Variants in SMOC1 observed in about 807,000 individuals in gnomAD.
SMOC1 encodes SPARC-related modular calcium-binding protein 1.
SMOC1 carries 22 observed loss-of-function variants against 56.3 expected under a neutral mutation model. The observed-to-expected ratio is 0.39, with a 90% CI of 0.28 to 0.56. The LOEUF (loss-of-function observed/expected upper bound fraction) is 0.56, where lower values mean the gene tolerates loss of function less well. Ranked by LOEUF, SMOC1 falls within the 20% of genes least tolerant of loss-of-function variation. The pLI is 0.61. For synonymous variants in SMOC1, 193 were observed against 215.0 expected, an observed-to-expected ratio of 0.90 and a Z score of 0.89; for missense variants, 509 against 565.4, an observed-to-expected ratio of 0.90 and a Z score of 1.01.
chr14:69,997,788 T>C (rs1018006092), intron 7 of SMOC1, among the ~76,000 whole-genome samples: 1 of 152,180 alleles, frequency 6.6e-6, no homozygotes, highest in African/African-American at 2.4e-5. Context: ...GACTGGAGCC[T>C]TTTGGCCAAA....
chr14:69,960,817 G>GTAAACT (rs3052656), intron 3 of SMOC1, among the ~76,000 whole-genome samples: 51,995 of 151,608 alleles, frequency 0.34, 9,194 homozygotes, highest in African/African-American at 0.42. Context: ...TTGCTCAACT[G>GTAAACT]GGAAGAGTTG....
chr14:69,970,195 G>A (rs1324450619), intron 3 of SMOC1, among the ~76,000 whole-genome samples: 3 of 152,108 alleles, frequency 2.0e-5, no homozygotes, highest in Non-Finnish European at 2.9e-5. Context: ...TGCTTCCCTG[G>A]TGGGCATATT....
intron 5 of SMOC1, among the ~76,000 whole-genome samples, chr14:69,990,901 A>G (rs1884543494): frequency 6.6e-6 from 1 of 152,212 alleles, no homozygotes; most frequent in African/African-American, 2.4e-5. Context: ...CCCGACTGTC[A>G]GCTCAGCTGC....
At chr14:69,968,166 TATTTC>T (rs1883638764) in intron 3 of SMOC1, among the ~76,000 whole-genome samples, 2 of 152,222 alleles carry the variant, frequency 1.3e-5, no homozygotes, top group African/African-American at 4.8e-5. Flanking sequence ...GTTTCTTGAG[TATTTC>T]ATGATAAATG....
chr14:69,979,591 CGTGT>C (rs138518257), intron 5 of SMOC1, among the ~76,000 whole-genome samples: 2 of 151,154 alleles, frequency 1.3e-5, no homozygotes, highest in African/African-American at 4.9e-5. Context: ...TTTTCTATTG[CGTGT>C]GTGTGTGTGT....
chr14:69,953,472 C>T lies in SMOC1; in HGVS notation c.318C>T (p.Ala106=), dbSNP rs1337740868. The change falls in exon 3 of 12, where the codon GCC becomes GCT. Residue 106 remains alanine (A), a synonymous_variant. Coordinates refer to ENST00000361956, the MANE Select transcript of SMOC1 (RefSeq NM_001034852.3). ...RLERAQALEQ[A]KKPQEAVFVP... The stretch of plus-strand genomic sequence containing the variant: ...AGCGGGCTCAAGCCCTGGAGCAAGC[C>T]AAGAAGCCTCAGGAAGCTGTGTTTG... 1.9e-6 allele frequency: 3 copies of T among 1,614,230 alleles called. No individual in the cohort carries two copies. The highest frequency in any genetic ancestry group is 2.5e-6 in the Non-Finnish European group (3 of 1,180,040).
chr14:69,969,884 C>T (rs1038904591), intron 3 of SMOC1, among the ~76,000 whole-genome samples: 3 of 152,176 alleles, frequency 2.0e-5, no homozygotes, highest in African/African-American at 7.2e-5. Context: ...TGCATTCATT[C>T]ATCAGTGTAT....
intron 10 of SMOC1, among the ~76,000 whole-genome samples, chr14:70,021,329 A>G (rs1026906039): frequency 2.0e-5 from 3 of 152,210 alleles, no homozygotes; most frequent in Non-Finnish European, 4.4e-5. Flanking sequence ...GCTGGTATGC[A>G]CTGCAGGGGC....
At chr14:70,015,465 A>C (rs956722359) in intron 10 of SMOC1, among the ~76,000 whole-genome samples, 3 of 149,504 alleles carry the variant, frequency 2.0e-5, no homozygotes, top group Admixed American at 6.6e-5. Flanking sequence ...CAACAACAAA[A>C]AAAAAACGAA....
At chr14:69,885,279 T>C (rs1883766436) in intron 1 of SMOC1, 1 of 999,200 alleles carries the variant, frequency 1.0e-6, no homozygotes, top group African/African-American at 1.7e-5. Flanking sequence ...TTTTTTTTTT[T>C]TTAAGGAAAA....
intron 1 of SMOC1, among the ~76,000 whole-genome samples, chr14:69,920,590 G>A (rs1179727876): frequency 1.3e-5 from 2 of 152,300 alleles, no homozygotes; most frequent in East Asian, 3.9e-4. Context: ...TCTGTTCTGT[G>A]CCAGACACAG....
intron 10 of SMOC1, among the ~76,000 whole-genome samples, chr14:70,014,308 TCTCA>T (rs1305305934): frequency 6.6e-6 from 1 of 152,192 alleles, no homozygotes. Flanking sequence ...AGAATGGTTG[TCTCA>T]CTCAGTCTGG....
chr14:69,889,723 A>G (rs1391009819), intron 1 of SMOC1, among the ~76,000 whole-genome samples: 1 of 132,500 alleles, frequency 7.5e-6, no homozygotes, highest in African/African-American at 2.5e-5. Flanking sequence ...TTAATGGGCT[A>G]AAAAAATCAG....
chr14:69,952,165 T>C lies in SMOC1; in HGVS notation c.127T>C (p.Cys43Arg), dbSNP rs766610837. 1.2e-6 allele frequency: 2 copies of C among 1,614,202 alleles called. No homozygotes were observed. Among genetic ancestry groups the C allele is most frequent in the South Asian group, 2.2e-5 (2 of 91,086 alleles). Residue 43 changes from cysteine to arginine, a missense_variant, in exon 2 of 12, where the codon TGC (cysteine) becomes CGC (arginine). Physicochemically the swap from Cys to Arg is radical, Grantham distance 180. Coordinates refer to ENST00000361956, the MANE Select transcript of SMOC1 (RefSeq NM_001034852.3). ...RFLISDRDPQ[C>R]NLHCSRTQPK... The stretch of plus-strand genomic sequence containing the variant: ...TCTAATAAGTGACCGTGACCCACAG[T>C]GCAACCTCCACTGCTCCAGGACTCA...
chr14:69,919,075 G>T (rs1884762413), intron 1 of SMOC1, among the ~76,000 whole-genome samples: 2 of 152,182 alleles, frequency 1.3e-5, no homozygotes, highest in Admixed American at 1.3e-4. Context: ...CACACTTGAG[G>T]TGGGTTTGTT....
intron 1 of SMOC1, among the ~76,000 whole-genome samples, chr14:69,895,192 C>T (rs1884061278): frequency 6.6e-6 from 1 of 152,188 alleles, no homozygotes; most frequent in Non-Finnish European, 1.5e-5. Context: ...AACCTCAGAA[C>T]ATGTGGAATC....
At position 69,885,962 on chromosome 14, in the gene SMOC1, T is replaced by C. The variant is rs535814776; in HGVS notation, c.99+6185T>C. On this transcript the variant is annotated intron_variant, in intron 1 of 11. Coordinates refer to ENST00000361956, the MANE Select transcript of SMOC1 (RefSeq NM_001034852.3). ...GGCTCTCTGCCGCTGCAACCTGATA[T>C]AGCGGGGCCATTTCACAAAGCGGGT... is the stretch of plus-strand genomic sequence containing the variant. 6.2e-5 allele frequency: 99 copies of C among 1,587,402 alleles called. No individual in the cohort carries two copies. In the Admixed American group the frequency reaches 1.1e-3, roughly 17 times the overall value.
chr14:70,011,908 G>C (rs958759795), intron 9 of SMOC1, among the ~76,000 whole-genome samples: 2 of 152,198 alleles, frequency 1.3e-5, no homozygotes, highest in Non-Finnish European at 2.9e-5. Context: ...ATAGCTTATA[G>C]GGAGGGGCTG....
chr14:69,961,296 A>G lies in SMOC1; in HGVS notation c.378+7764A>G, dbSNP rs867139981. Among the ~76,000 whole-genome samples, 239 of 137,216 alleles carry G rather than the reference A, an allele frequency of 1.7e-3. 11 individuals are homozygous for G. Among genetic ancestry groups the G allele is most frequent in the African/African-American group, 6.2e-3 (227 of 36,340 alleles). 90.0% of individuals were successfully genotyped at this position (137,216 alleles called of 152,430 possible). On this transcript the variant is annotated intron_variant, in intron 3 of 11. Transcript: ENST00000361956. ...TGTATATATATATATATATATATAT[A>G]TATATATATATATATATATATATCC... is the stretch of plus-strand genomic sequence containing the variant.
Sources: gnomAD v4.1 joint callset for allele counts (sites outside exome capture counted in the v4.1 genomes callset) on GRCh38, gnomAD v4.1.1 for gene constraint, MANE v1.5 for transcripts, NCBI Gene and HGNC (gene_info 2026-07-23, HGNC 2026-07-21) for gene names.